The following EXOSC2 variants were observed in gnomAD, a reference collection of about 807,000 sequenced individuals.
EXOSC2 encodes exosome component 2.
A neutral mutation model predicts 37.6 loss-of-function variants in EXOSC2; 29 were observed. That is an observed-to-expected ratio of 0.77 (90% CI 0.57 to 1.05). The LOEUF (loss-of-function observed/expected upper bound fraction) is 1.05, where lower values mean the gene tolerates loss of function less well. Ranked by LOEUF, EXOSC2 falls within the 50% of genes least tolerant of loss-of-function variation. The pLI is 0.00. For synonymous variants in EXOSC2, 119 were observed against 131.1 expected, an observed-to-expected ratio of 0.91 and a Z score of 0.63; for missense variants, 346 against 365.6, an observed-to-expected ratio of 0.95 and a Z score of 0.44.
In EXOSC2 at chr9:130,693,889, T is replaced by G. The variant is rs1831034846; in HGVS notation, c.98T>G (p.Ile33Ser). ...CATCTAGTGGTGCCGGGGGATACAA[T>G]CACTACGGACACAGGATTCATGCGG... The part of the protein sequence containing the change: ...KKHLVVPGDT[I>S]TTDTGFMRGH... Residue 33 changes from isoleucine to serine, a missense_variant, in exon 1 of 9, where the codon ATC becomes AGC. By Grantham distance (142) the Ile-to-Ser change is moderately radical (BLOSUM62 -2). Coordinates refer to ENST00000372358, the MANE Select transcript of EXOSC2 (RefSeq NM_014285.7). The G allele has an allele frequency of 6.2e-7, 1 of 1,611,084 alleles. No homozygotes were observed. The highest frequency in any genetic ancestry group is 1.3e-5 in the African/African-American group (1 of 74,728).
intron 6 of EXOSC2, chr9:130,701,650 G>A (rs1241264969): frequency 1.3e-5 from 13 of 982,854 alleles, no homozygotes; most frequent in East Asian, 2.3e-4. Context: ...TCCTTGGCAG[G>A]ACGTGGACTT....
chr9:130,701,611 CTT>C, intron 6 of EXOSC2: 1 of 986,752 alleles, frequency 1.0e-6, no homozygotes. Context: ...AGTATGCTGA[CTT>C]TCACAACCCT....
chr9:130,699,148 A>T (rs975897245), intron 4 of EXOSC2, among the ~76,000 whole-genome samples, 181 bp from the exon 5 acceptor site: 16 of 152,118 alleles, frequency 1.1e-4, no homozygotes, highest in African/African-American at 3.6e-4. Context: ...GTCTTTTGAG[A>T]TGGAAAGTCG....
At chr9:130,699,935 A>T (rs929865950) in intron 5 of EXOSC2, 3 of 153,988 alleles carry the variant, frequency 1.9e-5, no homozygotes, top group Non-Finnish European at 4.3e-5. Context: ...TGAGCCCAGG[A>T]GCTCAAGGCT....
At position 130,698,077 on chromosome 9, in the gene EXOSC2, A is replaced by C; in HGVS notation, c.271-85A>C. The C allele has an allele frequency of 7.6e-7, 1 of 1,310,224 alleles. No individual in the cohort carries two copies. The allele number at this position is 1,310,224 out of a possible 1,614,324, so 81.2% of individuals were successfully genotyped here. ...CCAAAGTGCTGGGATTACAGGCGTG[A>C]GCCACCACATCTGGCCTTACTGGTT... On this transcript the variant is annotated intron_variant, in intron 3 of 8. Transcript: ENST00000372358. This position sits in a 1 kb window ranked among gnomAD's most constrained non-coding sequence, Gnocchi z 4.1.
chr9:130,698,285 C>T lies in EXOSC2; in HGVS notation c.360+34C>T. On this transcript the variant is annotated intron_variant, in intron 4 of 8. Coordinates refer to ENST00000372358, the MANE Select transcript of EXOSC2 (RefSeq NM_014285.7). This position sits in a 1 kb window ranked among gnomAD's most constrained non-coding sequence, Gnocchi z 4.1. ...TACAGCTGGGGCCATGGACTAGGGC[C>T]CAGTGGGCTGGGGGGAGCCGTGGGA... The T allele has an allele frequency of 1.9e-6, 3 of 1,598,116 alleles. No homozygotes were observed. The highest frequency in any genetic ancestry group is 2.6e-6 in the Non-Finnish European group (3 of 1,166,618).
At chr9:130,699,302 G>C (rs1199328136) in intron 4 of EXOSC2, 27 bp from the exon 5 acceptor site, 1 of 1,612,892 alleles carries the variant, frequency 6.2e-7, no homozygotes, top group African/African-American at 1.3e-5. Context: ...TCTGGCTTAA[G>C]TAATGTCATT....
chr9:130,701,681 G>A (rs1831218133), intron 6 of EXOSC2: 1 of 928,172 alleles, frequency 1.1e-6, no homozygotes, highest in African/African-American at 1.8e-5. Flanking sequence ...GCCAGGACCA[G>A]ACATGGATTT....
chr9:130,697,263 C>G (rs925632322), intron 2 of EXOSC2, among the ~76,000 whole-genome samples: 3 of 152,152 alleles, frequency 2.0e-5, no homozygotes, highest in African/African-American at 7.2e-5. Context: ...TTGGCTGGTG[C>G]AGAACTCATC....
At chr9:130,697,010 T>A (rs539496078) in intron 2 of EXOSC2, among the ~76,000 whole-genome samples, 1 of 151,998 alleles carries the variant, frequency 6.6e-6, no homozygotes, top group Non-Finnish European at 1.5e-5. Flanking sequence ...AGCAGTTGAG[T>A]AGGATTTGGA....
At position 130,702,190 on chromosome 9, in the gene EXOSC2, C is replaced by G. The variant is rs34120870; in HGVS notation, c.552C>G (p.Thr184=). The change falls in exon 7 of 9, where the codon ACC becomes ACG. Residue 184 remains threonine, a synonymous_variant. Transcript: ENST00000372358. Reference sequence around the variant, plus strand: ...CCTCCCTGGTGAAACGGCAGAAGACCCACTTTCATGATTTGCCATGTGGTG... The same window carrying G: ...CCTCCCTGGTGAAACGGCAGAAGACGCACTTTCATGATTTGCCATGTGGTG... ...VSPSLVKRQK[T]HFHDLPCGAS... The G allele has an allele frequency of 3.5e-4, 570 of 1,614,068 alleles. 1 individual carries two copies. In the African/African-American group the frequency reaches 6.7e-3, roughly 19 times the overall value.
rs1289252853 is a variant in EXOSC2 at position 130,694,881 on chromosome 9, T to C, written c.123-611T>C. Among the ~76,000 whole-genome samples the C allele has an allele frequency of 6.6e-6, 1 of 151,878 alleles. No homozygotes were observed. The highest frequency in any genetic ancestry group is 2.4e-5 in the African/African-American group (1 of 41,342). ...CCATGCCTAGCTAATTTTTGGTTTT[T>C]TTTTTTTTTAGTAGAGACAGGGTTT... On this transcript the variant is annotated intron_variant, in intron 1 of 8. Transcript: ENST00000372358. The surrounding 1 kb of genome is among the most constrained non-coding windows in gnomAD (Gnocchi z 4.0).
Position 130,701,180 on chromosome 9 carries a change from C to A in EXOSC2, c.495+245C>A, listed in dbSNP as rs1831208342. On this transcript the variant is annotated intron_variant, in intron 6 of 8. Coordinates refer to ENST00000372358, the MANE Select transcript of EXOSC2 (RefSeq NM_014285.7). ...CTTTTTCTCCAAGGAGACTGACTTT[C>A]ACCAGAAGAGCCCCTCCAACTGTGG... 7 of 429,034 alleles carry A rather than the reference C, an allele frequency of 1.6e-5. No individual in the cohort carries two copies. In the South Asian group the frequency reaches 1.8e-4, roughly 11 times the overall value. The allele number at this position is 429,034 out of a possible 1,614,324, so 26.6% of individuals were successfully genotyped here.
chr9:130,702,348 G>A (rs1204443762), intron 7 of EXOSC2, 38 bp downstream of exon 7: 8 of 1,570,696 alleles, frequency 5.1e-6, no homozygotes, highest in African/African-American at 1.4e-5. Context: ...TGGGATGGAG[G>A]GGGCTCAGTC....
chr9:130,700,985 A>G (rs367545846), intron 6 of EXOSC2, 50 bp downstream of exon 6: 1 of 1,578,448 alleles, frequency 6.3e-7, no homozygotes, highest in African/African-American at 1.3e-5. Context: ...CTACAAGGCT[A>G]TTTTTGAATC....
At position 130,702,056 on chromosome 9, in the gene EXOSC2, G is replaced by C. The variant is rs1588200939; in HGVS notation, c.496-78G>C. ...AAGGACACCAATTTGAATATACTTA[G>C]GATGTATATTCTGTAGTCTCCTTTT... On this transcript the variant is annotated intron_variant, in intron 6 of 8. Transcript: ENST00000372358. The C allele has an allele frequency of 2.4e-5, 37 of 1,526,444 alleles. No homozygotes were observed. The South Asian group carries it at 4.4e-4, about 18-fold the overall frequency. The allele number at this position is 1,526,444 out of a possible 1,614,324, so 94.6% of individuals were successfully genotyped here.
intron 6 of EXOSC2, chr9:130,701,520 G>A: frequency 1.1e-6 from 1 of 899,074 alleles, no homozygotes; most frequent in Non-Finnish European, 1.3e-6. Flanking sequence ...TATTTTCTGA[G>A]TGGAACAAAA....
chr9:130,699,843 AAAATT>A (rs767058549), intron 5 of EXOSC2: 26 of 159,498 alleles, frequency 1.6e-4, no homozygotes, highest in Admixed American at 4.9e-4. Context: ...TCTCTACAAA[AAAATT>A]AAAAAAGAAT....
At chr9:130,693,937 G>C in intron 1 of EXOSC2, 24 bp downstream of exon 1, 2 of 1,577,896 alleles carry the variant, frequency 1.3e-6, no homozygotes, top group Non-Finnish European at 1.7e-6. Flanking sequence ...TGGGGGAGTC[G>C]AGGCTTCAGA....
Sources: gnomAD v4.1 joint callset for allele counts (sites outside exome capture counted in the v4.1 genomes callset) on GRCh38, gnomAD v4.1.1 for gene constraint, Gnocchi (gnomAD v3.1) non-coding constraint, MANE v1.5 for transcripts, NCBI Gene and HGNC (gene_info 2026-07-23, HGNC 2026-07-21) for gene names.